NLGN1: variants seen among roughly 807,000 people sequenced by gnomAD.
NLGN1 encodes neuroligin 1.
A neutral mutation model predicts 65.5 loss-of-function variants in NLGN1; 12 were observed. The ratio of observed to expected loss-of-function variants is 0.18; its 90% confidence interval spans 0.12 to 0.30. The LOEUF (loss-of-function observed/expected upper bound fraction) is 0.30, where lower values mean the gene tolerates loss of function less well. NLGN1 is among the 10% of genes least tolerant of loss of function. The pLI is 1.00. For missense variants in NLGN1, 750 were observed against 1,007.1 expected (o/e 0.74, Z 3.46); for synonymous variants, 350 against 359.5 (o/e 0.97, Z 0.30).
At chr3:173,575,614 C>T (rs1475314127) in intron 2 of NLGN1, among the ~76,000 whole-genome samples, 2 of 152,150 alleles carry the variant, frequency 1.3e-5, no homozygotes, top group African/African-American at 4.8e-5. Context: ...TGGCTCCAAG[C>T]AATCTTATTC....
At chr3:173,526,072 C>G (rs563551762) in intron 2 of NLGN1, among the ~76,000 whole-genome samples, 1 of 152,080 alleles carries the variant, frequency 6.6e-6, no homozygotes, top group Non-Finnish European at 1.5e-5. Flanking sequence ...AATGTATATT[C>G]TGTTGTTGTT....
At chr3:173,709,880 C>G (rs1768677033) in intron 3 of NLGN1, among the ~76,000 whole-genome samples, 1 of 149,012 alleles carries the variant, frequency 6.7e-6, no homozygotes, top group Non-Finnish European at 1.5e-5. Context: ...GGGTGGAGTG[C>G]AGGTTACAGC....
intron 2 of NLGN1, among the ~76,000 whole-genome samples, chr3:173,527,105 T>C (rs1735773599): frequency 1.3e-5 from 2 of 152,318 alleles, no homozygotes; most frequent in East Asian, 3.9e-4. Context: ...CCTTAGAGTA[T>C]ATACCTAGTT....
At chr3:174,122,840 T>A (rs1718061581) in intron 4 of NLGN1, among the ~76,000 whole-genome samples, 1 of 152,076 alleles carries the variant, frequency 6.6e-6, no homozygotes. Flanking sequence ...TCTATGCCGA[T>A]GTTTTTGGTT....
At chr3:173,602,765 T>C (rs910701392) in intron 2 of NLGN1, among the ~76,000 whole-genome samples, 1 of 152,008 alleles carries the variant, frequency 6.6e-6, no homozygotes, top group African/African-American at 2.4e-5. Context: ...AAAAGGAACT[T>C]GCAAAGACTC....
At chr3:174,142,806 G>A (rs889258306) in intron 4 of NLGN1, among the ~76,000 whole-genome samples, 3 of 152,102 alleles carry the variant, frequency 2.0e-5, no homozygotes, top group East Asian at 1.9e-4. Context: ...TATTATATGC[G>A]TGTTCTTGCA....
exon 7 of NLGN1, chr3:174,283,361 T>G (rs1036436973): frequency 1.3e-5 from 2 of 151,436 alleles, no homozygotes; most frequent in African/African-American, 4.8e-5. Flanking sequence ...AAGATTAGCT[T>G]TGTGTTGTTA....
intron 2 of NLGN1, among the ~76,000 whole-genome samples, chr3:173,472,249 C>T (rs1412209630): frequency 6.6e-6 from 1 of 152,092 alleles, no homozygotes; most frequent in Non-Finnish European, 1.5e-5. Flanking sequence ...AATTTGACCA[C>T]AAACATATTC....
At chr3:173,983,822 A>G (rs191280590) in intron 4 of NLGN1, among the ~76,000 whole-genome samples, 4 of 152,194 alleles carry the variant, frequency 2.6e-5, no homozygotes, top group Admixed American at 2.0e-4. Flanking sequence ...TATCACATTA[A>G]TATGTTTTAT....
intron 3 of NLGN1, among the ~76,000 whole-genome samples, chr3:173,653,754 G>T (rs1226557679): frequency 6.6e-6 from 1 of 152,110 alleles, no homozygotes; most frequent in Non-Finnish European, 1.5e-5. Flanking sequence ...GAGTGTAGAA[G>T]TGACATTCTG....
chr3:174,006,380 A>ACATTTTCTT (rs1306572367), intron 4 of NLGN1, among the ~76,000 whole-genome samples: 1 of 152,162 alleles, frequency 6.6e-6, no homozygotes, highest in Non-Finnish European at 1.5e-5. Flanking sequence ...ATTATGTGTC[A>ACATTTTCTT]CATTTTCTTC....
intron 4 of NLGN1, among the ~76,000 whole-genome samples, chr3:174,117,654 G>A (rs1188397151): frequency 2.0e-5 from 3 of 151,826 alleles, no homozygotes; most frequent in African/African-American, 4.8e-5. Context: ...GAACCAGCCT[G>A]CTTATGGCTG....
At chr3:174,204,605 C>T (rs1735070074) in intron 4 of NLGN1, among the ~76,000 whole-genome samples, 1 of 152,142 alleles carries the variant, frequency 6.6e-6, no homozygotes, top group Non-Finnish European at 1.5e-5. Context: ...AGCATAAGCT[C>T]ATGAGGAAGC....
At chr3:173,449,220 A>C (rs1721003229) in intron 2 of NLGN1, among the ~76,000 whole-genome samples, 1 of 151,748 alleles carries the variant, frequency 6.6e-6, no homozygotes, top group Admixed American at 6.6e-5. Context: ...ATTTCCCTCT[A>C]CACACTGCTT....
chr3:173,658,619 G>C (rs1159068580), intron 3 of NLGN1, among the ~76,000 whole-genome samples: 1 of 151,992 alleles, frequency 6.6e-6, no homozygotes, highest in African/African-American at 2.4e-5. Flanking sequence ...AAATGATTCA[G>C]TGAAGGCATC....
Position 174,000,368 on chromosome 3 carries a change from ATAAT to A in NLGN1, c.646+192542_646+192545del, listed in dbSNP as rs142919639. 8.6e-4 allele frequency among the ~76,000 whole-genome samples: 131 copies of A among 152,280 alleles called. No homozygotes were observed. The East Asian group carries it at 0.022, about 26-fold the overall frequency. On this transcript the variant is annotated intron_variant, in intron 4 of 6. Transcript: ENST00000457714. ...ACATTCGTTTTCATCTTTATAAGAA[ATAAT>A]TAATTTATATATGTAACAAATTCAA...
At chr3:173,738,542 CA>C (rs998974325) in intron 3 of NLGN1, among the ~76,000 whole-genome samples, 2 of 152,060 alleles carry the variant, frequency 1.3e-5, no homozygotes, top group African/African-American at 4.8e-5. Flanking sequence ...TGACAAAAAT[CA>C]TTTACTATAA....
intron 4 of NLGN1, among the ~76,000 whole-genome samples, chr3:173,880,554 T>C (rs1313664132): frequency 6.6e-6 from 1 of 151,250 alleles, no homozygotes. Context: ...CCATTAGGTG[T>C]ACAATATAAG....
At chr3:174,178,072 A>C (rs1433841807) in intron 4 of NLGN1, among the ~76,000 whole-genome samples, 1 of 152,110 alleles carries the variant, frequency 6.6e-6, no homozygotes, top group Non-Finnish European at 1.5e-5. Flanking sequence ...AGGAACAAAA[A>C]AAGGTAAAGT....
Sources: allele counts gnomAD v4.1 joint callset (sites outside exome capture counted in the v4.1 genomes callset), GRCh38; gene constraint gnomAD v4.1.1; transcripts MANE v1.5; gene names NCBI Gene and HGNC (gene_info 2026-07-23, HGNC 2026-07-21).